Variants in ERBB4 observed in about 807,000 individuals in gnomAD.
ERBB4 encodes erb-b2 receptor tyrosine kinase 4.
ERBB4 carries 42 observed loss-of-function variants against 158.0 expected under a neutral mutation model. That is an observed-to-expected ratio of 0.27 (90% confidence interval 0.21 to 0.34). The LOEUF (loss-of-function observed/expected upper bound fraction) is 0.34. Among genes scored for constraint, ERBB4 ranks in the 10% least tolerant of loss-of-function variants. The pLI is 1.00. For missense variants in ERBB4, 1,333 were observed against 1,624.1 expected (o/e 0.82, Z 3.08); for synonymous variants, 583 against 558.7 (o/e 1.04, Z -0.61).
Position 212,286,596 on chromosome 2 carries a change from T to TGTTTTTTTTTTTG in ERBB4, c.83-161694_83-161693insCAAAAAAAAAAAC, listed in dbSNP as rs200822862. 1.0e-3 allele frequency among the ~76,000 whole-genome samples: 91 copies of TGTTTTTTTTTTTG among 91,140 alleles called. 3 individuals are homozygous for TGTTTTTTTTTTTG. Among genetic ancestry groups the TGTTTTTTTTTTTG allele is most frequent in the Non-Finnish European group, 1.4e-3 (68 of 49,730 alleles). 59.8% of individuals were successfully genotyped at this position (91,140 alleles called of 152,430 possible). ...TGAGATGATTACATAAGTGCTGACT[T>TGTTTTTTTTTTTG]TTTTTTTTTTTTTTTTTTTTTTTTG... On this transcript the variant is annotated intron_variant, in intron 1 of 27. Transcript: ENST00000342788.
At chr2:212,460,925 G>T (rs1159931399) in intron 1 of ERBB4, among the ~76,000 whole-genome samples, 1 of 152,166 alleles carries the variant, frequency 6.6e-6, no homozygotes, top group Non-Finnish European at 1.5e-5. Flanking sequence ...GTGGTTTCTT[G>T]GGCAGGAACC....
intron 4 of ERBB4, among the ~76,000 whole-genome samples, chr2:211,756,103 G>A (rs879646562): frequency 7.9e-5 from 12 of 152,164 alleles, no homozygotes; most frequent in Non-Finnish European, 1.3e-4. Context: ...TTCTTGGTGT[G>A]TGTGTGGGTT....
At chr2:211,541,823 G>A (rs1455749330) in intron 20 of ERBB4, among the ~76,000 whole-genome samples, 1 of 151,998 alleles carries the variant, frequency 6.6e-6, no homozygotes, top group Non-Finnish European at 1.5e-5. Flanking sequence ...TATGTAACGA[G>A]CTCTGTGCTA....
At chr2:212,381,163 C>A (rs530901245) in intron 1 of ERBB4, among the ~76,000 whole-genome samples, 47 of 151,402 alleles carry the variant, frequency 3.1e-4, no homozygotes, top group African/African-American at 1.1e-3. Context: ...TTATATTTCA[C>A]AGGAAAAATG....
intron 1 of ERBB4, among the ~76,000 whole-genome samples, chr2:212,134,850 A>T (rs1401468665): frequency 2.0e-5 from 3 of 151,320 alleles, no homozygotes; most frequent in Non-Finnish European, 4.4e-5. Context: ...TGCCTGGCTA[A>T]TTTTTTTTGT....
In ERBB4 at chr2:212,250,669, T is replaced by C. The variant is rs529651523; in HGVS notation, c.83-125766A>G. Among the ~76,000 whole-genome samples, 14 of 152,064 alleles carry C rather than the reference T, an allele frequency of 9.2e-5. No individual in the cohort carries two copies. In the South Asian group the frequency reaches 2.7e-3, roughly 29 times the overall value. ...ATTCATGCATTCACTTATTCTTCCATGTTAGACAAACAATTTTTGAATGAA... is the reference window on the plus strand; with the variant it reads ...ATTCATGCATTCACTTATTCTTCCACGTTAGACAAACAATTTTTGAATGAA... On this transcript the variant is annotated intron_variant, in intron 1 of 27. Coordinates refer to ENST00000342788, the MANE Select transcript of ERBB4 (RefSeq NM_005235.3).
intron 3 of ERBB4, among the ~76,000 whole-genome samples, chr2:211,933,966 T>C (rs1013796777): frequency 2.0e-5 from 3 of 151,998 alleles, no homozygotes; most frequent in Admixed American, 2.0e-4. Context: ...TAAAACAACA[T>C]AAAATGTGTT....
intron 1 of ERBB4, among the ~76,000 whole-genome samples, chr2:212,461,624 C>A (rs1345384565): frequency 6.6e-6 from 1 of 152,088 alleles, no homozygotes; most frequent in Non-Finnish European, 1.5e-5. Context: ...TGAGTTAATG[C>A]TGAAATGAGT....
chr2:212,415,046 A>G (rs2091613039), intron 1 of ERBB4, among the ~76,000 whole-genome samples: 1 of 152,146 alleles, frequency 6.6e-6, no homozygotes, highest in Non-Finnish European at 1.5e-5. Context: ...TGAATCTATT[A>G]AACTGAAACT....
chr2:212,175,223 T>G (rs2081626661), intron 1 of ERBB4, among the ~76,000 whole-genome samples: 1 of 152,100 alleles, frequency 6.6e-6, no homozygotes, highest in Admixed American at 6.6e-5. Flanking sequence ...GCAGTCAGGA[T>G]AGTATCTAGC....
intron 12 of ERBB4, among the ~76,000 whole-genome samples, chr2:211,689,150 C>G (rs1179584678): frequency 6.6e-6 from 1 of 152,128 alleles, no homozygotes; most frequent in Non-Finnish European, 1.5e-5. Flanking sequence ...AGTCATAATA[C>G]AGAGGAAGAG....
In ERBB4 at chr2:211,987,341, A is replaced by AAAAAAAAAAAAAAAAAAAAAAG. The variant is rs1215048952; in HGVS notation, c.235-39726_235-39725insCTTTTTTTTTTTTTTTTTTTTT. Among the ~76,000 whole-genome samples, 32 of 124,426 alleles carry AAAAAAAAAAAAAAAAAAAAAAG rather than the reference A, an allele frequency of 2.6e-4. 1 individual carries two copies. Among genetic ancestry groups the AAAAAAAAAAAAAAAAAAAAAAG allele is most frequent in the Non-Finnish European group, 3.4e-4 (21 of 60,916 alleles). 81.6% of individuals were successfully genotyped at this position (124,426 alleles called of 152,430 possible). On this transcript the variant is annotated intron_variant, in intron 2 of 27. Coordinates refer to ENST00000342788, the MANE Select transcript of ERBB4 (RefSeq NM_005235.3). The stretch of plus-strand genomic sequence containing the variant: ...ATCTCAAGAAAAGACAAAAAAAAAA[A>AAAAAAAAAAAAAAAAAAAAAAG]AAAGAAAGAAATCTATCACCCATGA...
In ERBB4 at chr2:211,914,806, CT is replaced by C. The variant is rs1476856531; in HGVS notation, c.421+32623del. The stretch of plus-strand genomic sequence containing the variant: ...TTTCCTAACATTTAAATGTTTCACT[CT>C]TTTAAGTATTTATTCTTATCAATAT... On this transcript the variant is annotated intron_variant, in intron 3 of 27. Transcript: ENST00000342788. Among the ~76,000 whole-genome samples the C allele has an allele frequency of 1.0e-3, 153 of 152,112 alleles. 1 individual carries two copies. Among genetic ancestry groups the C allele is most frequent in the African/African-American group, 3.5e-3 (147 of 41,516 alleles).
chr2:211,973,232 C>T (rs1016739568), intron 2 of ERBB4, among the ~76,000 whole-genome samples: 3 of 150,152 alleles, frequency 2.0e-5, no homozygotes, highest in Non-Finnish European at 3.0e-5. Context: ...AATGGAGTCT[C>T]GCTCTTCCAC....
chr2:211,488,931 T>C (rs2065272283), intron 20 of ERBB4, among the ~76,000 whole-genome samples: 1 of 152,116 alleles, frequency 6.6e-6, no homozygotes, highest in African/African-American at 2.4e-5. Flanking sequence ...TGTGTCTATA[T>C]GGCTAATTGT....
chr2:211,776,496 G>C (rs541595837), intron 4 of ERBB4, among the ~76,000 whole-genome samples: 1 of 152,172 alleles, frequency 6.6e-6, no homozygotes, highest in South Asian at 2.1e-4. Context: ...CACTGGGGTG[G>C]GGATACTTGC....
rs549798611 is a variant in ERBB4 at position 211,697,663 on chromosome 2, T to C, written c.1489+4304A>G. Among the ~76,000 whole-genome samples, 124 of 152,340 alleles carry C rather than the reference T, an allele frequency of 8.1e-4. 1 individual carries two copies. The highest frequency in any genetic ancestry group is 2.8e-3 in the African/African-American group (116 of 41,588). Reference sequence around the variant, plus strand: ...GATTTAAAAAAAGATAAATTAATCATGTAAATATAAAATACTTCTTTTCTT... The same window carrying C: ...GATTTAAAAAAAGATAAATTAATCACGTAAATATAAAATACTTCTTTTCTT... On this transcript the variant is annotated intron_variant, in intron 12 of 27. Transcript: ENST00000342788.
At chr2:211,891,665 C>A (rs1308468913) in intron 3 of ERBB4, among the ~76,000 whole-genome samples, 2,254 of 78,776 alleles carry the variant, frequency 0.029, no homozygotes, top group African/African-American at 0.031. Flanking sequence ...ACTAGCAAGA[C>A]TAATAAAGAA....
At chr2:212,130,232 AT>A (rs1316791847) in intron 1 of ERBB4, among the ~76,000 whole-genome samples, 2 of 152,142 alleles carry the variant, frequency 1.3e-5, no homozygotes, top group African/African-American at 4.8e-5. Context: ...AGCATCAAAA[AT>A]CCAAAATTTA....
Sources: gnomAD v4.1 joint callset for allele counts (sites outside exome capture counted in the v4.1 genomes callset) on GRCh38, gnomAD v4.1.1 for gene constraint, MANE v1.5 for transcripts, NCBI Gene and HGNC (gene_info 2026-07-23, HGNC 2026-07-21) for gene names.